The following XYLB variants were observed in gnomAD, a reference collection of about 807,000 sequenced individuals.
XYLB encodes xylulose kinase.
A neutral mutation model predicts 78.7 loss-of-function variants in XYLB; 62 were observed. That is an observed-to-expected ratio of 0.79 (90% CI 0.64 to 0.97). The LOEUF (loss-of-function observed/expected upper bound fraction) is 0.97, where lower values mean the gene tolerates loss of function less well. Among genes scored for constraint, XYLB ranks in the 50% least tolerant of loss-of-function variants. The pLI, the probability that XYLB is intolerant of heterozygous loss-of-function variation, is 0.00. For missense variants in XYLB, 687 were observed against 676.8 expected, an observed-to-expected ratio of 1.02 and a Z score of -0.17; for synonymous variants, 245 against 247.4, an observed-to-expected ratio of 0.99 and a Z score of 0.09.
chr3:38,421,953 G>A (rs1303744896), downstream of XYLB, among the ~76,000 whole-genome samples: 3 of 152,224 alleles, frequency 2.0e-5, no homozygotes, highest in African/African-American at 7.2e-5. Context: ...AATCCAGCAA[G>A]CTAGACAAGA....
In XYLB at chr3:38,364,696, C is replaced by T. The variant is rs1165267778; in HGVS notation, c.292-503C>T. On this transcript the variant is annotated intron_variant, in intron 4 of 18. Coordinates refer to ENST00000207870, the MANE Select transcript of XYLB (RefSeq NM_005108.4). ...AGTTGGTTAGGTGCCTCTGTTCCCA[C>T]GACCCTGTCACTGCAGCTCCATAGG... Among the ~76,000 whole-genome samples the T allele has an allele frequency of 1.9e-4, 24 of 124,390 alleles. No homozygotes were observed. In the Admixed American group the frequency reaches 2.1e-3, roughly 11 times the overall value. The allele number at this position is 124,390 out of a possible 152,430, so 81.6% of individuals were successfully genotyped here. A position where few individuals can be genotyped will look rare whatever the true frequency, so the allele number is the denominator to read the frequency against.
At chr3:38,353,380 A>G (rs1705471253) in intron 2 of XYLB, among the ~76,000 whole-genome samples, 1 of 152,132 alleles carries the variant, frequency 6.6e-6, no homozygotes, top group African/African-American at 2.4e-5. Context: ...GATTCAGCTC[A>G]CTGCTATCTA....
intron 15 of XYLB, among the ~76,000 whole-genome samples, chr3:38,387,942 C>T (rs930763534): frequency 1.1e-4 from 17 of 151,960 alleles, no homozygotes; most frequent in Non-Finnish European, 2.1e-4. Context: ...CTTTTATTTA[C>T]TATTTTACTG....
chr3:38,426,929 C>A, the XYLB span, among the ~76,000 whole-genome samples: 24 of 152,330 alleles, frequency 1.6e-4, no homozygotes, highest in African/African-American at 5.8e-4. Flanking sequence ...GAGCAAAAAA[C>A]TGCTCAAACC....
the XYLB span, among the ~76,000 whole-genome samples, chr3:38,435,530 G>C: frequency 1.3e-4 from 20 of 152,174 alleles, 1 homozygote; most frequent in South Asian, 2.1e-4. Context: ...GCATTAGACA[G>C]ATCATCTAGA....
At chr3:38,432,024 G>C in the XYLB span, among the ~76,000 whole-genome samples, 1 of 152,248 alleles carries the variant, frequency 6.6e-6, no homozygotes, top group African/African-American at 2.4e-5. Context: ...CTGTTCCAAA[G>C]GGGAGACATT....
At chr3:38,398,220 A>T (rs1707968392) in intron 17 of XYLB, among the ~76,000 whole-genome samples, 1 of 151,858 alleles carries the variant, frequency 6.6e-6, no homozygotes, top group African/African-American at 2.4e-5. Context: ...CTGTAATTCC[A>T]GCATTTTGGG....
chr3:38,385,570 C>T (rs1247094803), intron 15 of XYLB, among the ~76,000 whole-genome samples: 1 of 152,132 alleles, frequency 6.6e-6, no homozygotes, highest in Non-Finnish European at 1.5e-5. Flanking sequence ...TACATGTTAA[C>T]TTTATTTACA....
chr3:38,370,236 T>A, intron 9 of XYLB, 62 bp downstream of exon 9: 1 of 361,344 alleles, frequency 2.8e-6, no homozygotes, highest in African/African-American at 3.9e-5. Context: ...GGAAGCACTG[T>A]AGCGCACACA....
chr3:38,363,021 C>T lies in XYLB; in HGVS notation c.291+4C>T, dbSNP rs200607175. 36 of 1,541,322 alleles carry T rather than the reference C, an allele frequency of 2.3e-5. No individual in the cohort carries two copies. The highest frequency in any genetic ancestry group is 2.8e-5 in the African/African-American group (2 of 72,378). On this transcript the variant is annotated splice_donor_region_variant and intron_variant, in intron 4 of 18. Transcript: ENST00000207870. ...AGCCTTGTCCGGGGCGGGCCAGGTT[C>T]GTTTGCAGCAGACTCTGTCTGCCAT...
rs1708688101 is a variant in XYLB, at chr3:38,413,600, C to A, written c.*587C>A. ...GCCTCTCTTACTTGCCCCATGCTCA[C>A]CCTTTCCATGCTGTCCCCATTCTCT... is the stretch of plus-strand genomic sequence containing the variant. On this transcript the variant is annotated 3_prime_UTR_variant, in exon 19 of 19. Coordinates refer to ENST00000207870, the MANE Select transcript of XYLB (RefSeq NM_005108.4). The A allele has an allele frequency of 6.6e-6, 1 of 152,490 alleles. No individual in the cohort carries two copies. The highest frequency in any genetic ancestry group is 2.1e-4 in the South Asian group (1 of 4,826). 9.4% of individuals were successfully genotyped at this position (152,490 alleles called of 1,614,324 possible).
At chr3:38,399,064 A>G (rs756561019) in intron 17 of XYLB, among the ~76,000 whole-genome samples, 31 of 152,010 alleles carry the variant, frequency 2.0e-4, no homozygotes, top group Non-Finnish European at 2.5e-4. Context: ...ACAAAAAAAA[A>G]CAAACTTCTT....
chr3:38,429,517 A>AC, the XYLB span, among the ~76,000 whole-genome samples: 2 of 152,178 alleles, frequency 1.3e-5, no homozygotes, highest in Non-Finnish European at 2.9e-5. Context: ...GTCCAAGATC[A>AC]AGGTGTTCAC....
the XYLB span, among the ~76,000 whole-genome samples, chr3:38,449,276 C>A: frequency 1.3e-5 from 2 of 152,252 alleles, no homozygotes; most frequent in African/African-American, 2.4e-5. Flanking sequence ...GTATGTGCCA[C>A]CATGCCCAGC....
At chr3:38,427,412 G>A in the XYLB span, among the ~76,000 whole-genome samples, 22 of 152,292 alleles carry the variant, frequency 1.4e-4, 1 homozygote, top group African/African-American at 5.3e-4. Context: ...ATCCTTGCAT[G>A]TCTGTAGTAC....
intron 15 of XYLB, among the ~76,000 whole-genome samples, chr3:38,382,639 T>A (rs1373873281): frequency 6.6e-6 from 1 of 152,068 alleles, no homozygotes; most frequent in Admixed American, 6.6e-5. Flanking sequence ...TGAGACTGGG[T>A]GAGCAGGGCA....
At chr3:38,408,742 A>G (rs1158584883) in intron 18 of XYLB, among the ~76,000 whole-genome samples, 2 of 152,220 alleles carry the variant, frequency 1.3e-5, no homozygotes, top group Non-Finnish European at 2.9e-5. Context: ...CTACCATCAG[A>G]GAATACTGCA....
intron 14 of XYLB, among the ~76,000 whole-genome samples, chr3:38,378,590 C>G (rs1359832354): frequency 1.3e-5 from 2 of 152,020 alleles, no homozygotes; most frequent in Admixed American, 6.6e-5. Context: ...CTCAGGATCT[C>G]ACCATGGAAA....
At chr3:38,401,059 G>T (rs73063246) in intron 18 of XYLB, 74 bp downstream of exon 18, 9 of 1,324,326 alleles carry the variant, frequency 6.8e-6, no homozygotes, top group Non-Finnish European at 9.8e-6. Flanking sequence ...CCCACCAAAA[G>T]GTCACCTACA....
Sources: allele counts gnomAD v4.1 joint callset (sites outside exome capture counted in the v4.1 genomes callset), GRCh38; gene constraint gnomAD v4.1.1; transcripts MANE v1.5; gene names NCBI Gene and HGNC (gene_info 2026-07-23, HGNC 2026-07-21).